The following AHCY variants were observed in gnomAD, a reference collection of about 807,000 sequenced individuals.
AHCY encodes S-adenosyl-L-homocysteine hydrolase.
Under a neutral mutation model 45.4 loss-of-function variants are expected in AHCY, and 24 were observed. That is an observed-to-expected ratio of 0.53 (90% CI 0.38 to 0.74). The LOEUF is 0.74. AHCY is among the 30% of genes least tolerant of loss of function. The pLI is 0.00. For missense variants in AHCY, 449 were observed against 594.1 expected, an observed-to-expected ratio of 0.76 and a Z score of 2.54; for synonymous variants, 245 against 235.1, an observed-to-expected ratio of 1.04 and a Z score of -0.39.
downstream of AHCY, among the ~76,000 whole-genome samples, chr20:34,277,166 C>G (rs2035915835): frequency 6.6e-6 from 1 of 152,134 alleles, no homozygotes; most frequent in African/African-American, 2.4e-5. Flanking sequence ...GCACCTCTAG[C>G]CTAGGAGGCC....
At chr20:34,288,373 G>C (rs974987135) in intron 8 of AHCY, among the ~76,000 whole-genome samples, 1 of 152,146 alleles carries the variant, frequency 6.6e-6, no homozygotes, top group Non-Finnish European at 1.5e-5. Flanking sequence ...ACATAGGTGG[G>C]CTTTTCTCCC....
At chr20:34,273,110 T>C in the AHCY span, among the ~76,000 whole-genome samples, 1 of 152,194 alleles carries the variant, frequency 6.6e-6, no homozygotes, top group Non-Finnish European at 1.5e-5. Context: ...GATTAAACCA[T>C]TGGCCATTGG....
chr20:34,257,070 C>CTTTTTTTTTTTTT, the AHCY span, among the ~76,000 whole-genome samples: 6 of 139,406 alleles, frequency 4.3e-5, no homozygotes, highest in African/African-American at 7.9e-5. Context: ...CTTTCTTTCT[C>CTTTTTTTTTTTTT]TTTTTTTTTT....
At chr20:34,284,713 C>G (rs1464632509) in intron 9 of AHCY, among the ~76,000 whole-genome samples, 1 of 152,092 alleles carries the variant, frequency 6.6e-6, no homozygotes, top group Non-Finnish European at 1.5e-5. Flanking sequence ...ATCCTAGCTA[C>G]TCAAGAGGCT....
At chr20:34,293,245 T>C (rs552575912) in intron 3 of AHCY, among the ~76,000 whole-genome samples, 1 of 152,026 alleles carries the variant, frequency 6.6e-6, no homozygotes, top group Non-Finnish European at 1.5e-5. Flanking sequence ...ACACCAGAAC[T>C]GAGGGCTACT....
chr20:34,243,404 G>A, the AHCY span, among the ~76,000 whole-genome samples: 2 of 152,194 alleles, frequency 1.3e-5, no homozygotes, highest in African/African-American at 4.8e-5. Flanking sequence ...ATCGGTACGT[G>A]TATGTAGATA....
chr20:34,234,945 CTTGTG>C, the AHCY span: 1 of 152,184 alleles, frequency 6.6e-6, no homozygotes, highest in African/African-American at 2.4e-5. Context: ...TTGATTTAAT[CTTGTG>C]TTGTTTTTTT....
chr20:34,241,199 A>G, the AHCY span, among the ~76,000 whole-genome samples: 1 of 152,204 alleles, frequency 6.6e-6, no homozygotes, highest in Non-Finnish European at 1.5e-5. Context: ...GGGTTGCTAG[A>G]GAGCTCCTTT....
At chr20:34,233,443 G>A in the AHCY span, among the ~76,000 whole-genome samples, 56 of 152,088 alleles carry the variant, frequency 3.7e-4, no homozygotes, top group African/African-American at 1.2e-3. Context: ...CACCGCGCCC[G>A]GCCCACATGG....
At chr20:34,263,868 G>A in the AHCY span, among the ~76,000 whole-genome samples, 8 of 151,422 alleles carry the variant, frequency 5.3e-5, no homozygotes, top group African/African-American at 9.7e-5. Context: ...ATGGGGTTTC[G>A]CCAAGTTTGT....
At chr20:34,311,030 G>A (rs2036942557) in intron 1 of AHCY, among the ~76,000 whole-genome samples, 1 of 151,886 alleles carries the variant, frequency 6.6e-6, no homozygotes, top group South Asian at 2.1e-4. Context: ...GTAGGCTGAG[G>A]CAGGAGAATC....
chr20:34,249,939 A>C, the AHCY span: 1 of 152,318 alleles, frequency 6.6e-6, no homozygotes, highest in East Asian at 1.9e-4. Context: ...CTTTCTTCCC[A>C]AGTATATGCT....
downstream of AHCY, among the ~76,000 whole-genome samples, chr20:34,279,560 T>C (rs771889557): frequency 1.3e-5 from 2 of 152,162 alleles, no homozygotes; most frequent in Non-Finnish European, 2.9e-5. Flanking sequence ...CTAATAATAG[T>C]TGAAGTACCA....
intron 1 of AHCY, among the ~76,000 whole-genome samples, chr20:34,311,158 C>T (rs2036943994): frequency 6.6e-6 from 1 of 152,104 alleles, no homozygotes; most frequent in African/African-American, 2.4e-5. Flanking sequence ...AAACCAACAA[C>T]AAAACATATA....
the AHCY span, among the ~76,000 whole-genome samples, chr20:34,255,199 T>C: frequency 3.3e-5 from 5 of 152,250 alleles, no homozygotes; most frequent in African/African-American, 1.2e-4. Context: ...TATTGGCCTC[T>C]GGTCATGAGC....
chr20:34,234,520 CCTTCCTTT>C, the AHCY span, among the ~76,000 whole-genome samples: 2 of 151,954 alleles, frequency 1.3e-5, no homozygotes, highest in South Asian at 2.1e-4. Context: ...TTCCTTCCTT[CCTTCCTTT>C]CTTTCCTTTC....
At chr20:34,298,241 T>C (rs1300081594) in intron 1 of AHCY, among the ~76,000 whole-genome samples, 1 of 152,172 alleles carries the variant, frequency 6.6e-6, no homozygotes, top group Admixed American at 6.6e-5. Context: ...TAATAAAATA[T>C]AAAACAAGAA....
chr20:34,250,291 T>A, the AHCY span, among the ~76,000 whole-genome samples: 1 of 152,260 alleles, frequency 6.6e-6, no homozygotes, highest in Non-Finnish European at 1.5e-5. Flanking sequence ...ACACCTAGTA[T>A]GGTCAGCAGC....
chr20:34,261,905 G>A, the AHCY span, among the ~76,000 whole-genome samples: 1 of 152,266 alleles, frequency 6.6e-6, no homozygotes, highest in South Asian at 2.1e-4. Flanking sequence ...CTGAGGTCAA[G>A]AGTTTGAGAC....
Sources: allele counts gnomAD v4.1 joint callset (sites outside exome capture counted in the v4.1 genomes callset), GRCh38; gene constraint gnomAD v4.1.1; transcripts MANE v1.5; gene names NCBI Gene and HGNC (gene_info 2026-07-23, HGNC 2026-07-21).